The following MVB12B variants were observed in gnomAD, a reference collection of about 807,000 sequenced individuals.
MVB12B encodes the protein multivesicular body subunit 12B.
Under a neutral mutation model 41.6 loss-of-function variants are expected in MVB12B, and 16 were observed. That is an observed-to-expected ratio of 0.38 (90% CI 0.26 to 0.58). The LOEUF (loss-of-function observed/expected upper bound fraction) is 0.58. MVB12B is among the 20% of genes least tolerant of loss of function. The pLI, the probability that MVB12B is intolerant of heterozygous loss-of-function variation, is 0.62. For synonymous variants in MVB12B, 133 were observed against 139.7 expected (o/e 0.95, Z 0.34); for missense variants, 274 against 380.2 (o/e 0.72, Z 2.32).
At chr9:126,365,637 G>A (rs761320041) in intron 2 of MVB12B, among the ~76,000 whole-genome samples, 4 of 152,084 alleles carry the variant, frequency 2.6e-5, no homozygotes, top group East Asian at 3.9e-4. Context: ...CACTGCACCC[G>A]GCCTCCAGAA....
chr9:126,442,320 C>T (rs1346377695), intron 7 of MVB12B, among the ~76,000 whole-genome samples: 1 of 152,178 alleles, frequency 6.6e-6, no homozygotes, highest in Admixed American at 6.5e-5. Context: ...CTTCCTCCCT[C>T]AGGCTGACAT....
intron 2 of MVB12B, among the ~76,000 whole-genome samples, chr9:126,368,568 T>G (rs2118916876): frequency 6.6e-6 from 1 of 152,324 alleles, no homozygotes; most frequent in Admixed American, 6.5e-5. Context: ...TTATCAAAGC[T>G]CATCTCAGAA....
At chr9:126,435,655 A>G (rs1832453962) in intron 7 of MVB12B, among the ~76,000 whole-genome samples, 1 of 130,318 alleles carries the variant, frequency 7.7e-6, no homozygotes, top group Non-Finnish European at 1.7e-5. Context: ...CTCTTATTTT[A>G]GCCAAAAAAA....
At position 126,385,941 on chromosome 9, in the gene MVB12B, C is replaced by T. The variant is rs186734249; in HGVS notation, c.313-621C>T. 1.1e-3 allele frequency among the ~76,000 whole-genome samples: 166 copies of T among 152,284 alleles called. No individual in the cohort carries two copies. The Middle Eastern group carries it at 0.017, about 16-fold the overall frequency. On this transcript the variant is annotated intron_variant, in intron 3 of 9. Transcript: ENST00000361171. The stretch of plus-strand genomic sequence containing the variant: ...ATTTGTACACCAGTTACCGAAACTG[C>T]GCACTGTGGACCCCATATACTACCA...
rs1376330957 is a variant in MVB12B, at chr9:126,367,016, C to T, written c.205-14048C>T. On this transcript the variant is annotated intron_variant, in intron 2 of 9. Transcript: ENST00000361171. The surrounding 1 kb of genome is among the most constrained non-coding windows in gnomAD (Gnocchi z 4.3). ...CTGAATGTTCCCACGAGACAGAGGC[C>T]AGAATCCTTCCAAGGCTTCTCTGCT... is the stretch of plus-strand genomic sequence containing the variant. Among the ~76,000 whole-genome samples the T allele has an allele frequency of 6.6e-6, 1 of 152,180 alleles. No individual in the cohort carries two copies. The highest frequency in any genetic ancestry group is 1.9e-4 in the East Asian group (1 of 5,194).
At chr9:126,423,583 G>A (rs771514275) in intron 7 of MVB12B, among the ~76,000 whole-genome samples, 17 of 152,184 alleles carry the variant, frequency 1.1e-4, no homozygotes, top group South Asian at 2.1e-4. Flanking sequence ...TACAGCCCAC[G>A]GCAGCAGGCA....
At chr9:126,445,645 T>G (rs535451251) in intron 7 of MVB12B, among the ~76,000 whole-genome samples, 1 of 152,186 alleles carries the variant, frequency 6.6e-6, no homozygotes, top group South Asian at 2.1e-4. Context: ...AATATTTAAT[T>G]TAATATTGTT....
At chr9:126,489,686 C>G (rs1248736161) in intron 9 of MVB12B, among the ~76,000 whole-genome samples, 2 of 152,222 alleles carry the variant, frequency 1.3e-5, no homozygotes, top group Non-Finnish European at 2.9e-5. Flanking sequence ...CATGACAGAG[C>G]AGTGGCCTTC....
intron 7 of MVB12B, among the ~76,000 whole-genome samples, chr9:126,427,804 G>A (rs915473754): frequency 1.3e-5 from 2 of 152,190 alleles, no homozygotes; most frequent in African/African-American, 4.8e-5. Context: ...ACCTAGACAG[G>A]TTGGCTCACT....
In MVB12B at chr9:126,424,361, G is replaced by A. The variant is rs143585914; in HGVS notation, c.757+2413G>A. On this transcript the variant is annotated intron_variant, in intron 7 of 9. Coordinates refer to ENST00000361171, the MANE Select transcript of MVB12B (RefSeq NM_033446.3). ...AGTTGCAAGAGACACCAGTGGAGAC[G>A]ATATGTAGTCCCATCCCTGGCACAA... Among the ~76,000 whole-genome samples, 549 of 152,286 alleles carry A rather than the reference G, an allele frequency of 3.6e-3. 2 individuals carry two copies. Among genetic ancestry groups the A allele is most frequent in the African/African-American group, 0.013 (528 of 41,554 alleles).
At chr9:126,400,338 TA>T (rs1350205796) in intron 6 of MVB12B, among the ~76,000 whole-genome samples, 1 of 151,964 alleles carries the variant, frequency 6.6e-6, no homozygotes, top group Non-Finnish European at 1.5e-5. Context: ...CTTAACACTT[TA>T]AAAAAATCAG....
intron 6 of MVB12B, among the ~76,000 whole-genome samples, chr9:126,418,172 G>T (rs978898185): frequency 6.6e-6 from 1 of 151,916 alleles, no homozygotes; most frequent in Non-Finnish European, 1.5e-5. Context: ...GGCGGGGTGG[G>T]GGGTGGTGGG....
rs567196127 is a variant in MVB12B, at chr9:126,506,662, A to T, written c.*3399A>T. On this transcript the variant is annotated 3_prime_UTR_variant, in exon 10 of 10. Transcript: ENST00000361171. The stretch of plus-strand genomic sequence containing the variant: ...GGAGGGCCTTGAGGAAGCAGCCCCC[A>T]GGCCTGGCAGCCACGCAGCGGCTGA... The T allele has an allele frequency of 2.0e-5, 3 of 152,488 alleles. No individual in the cohort carries two copies. The highest frequency in any genetic ancestry group is 2.9e-5 in the Non-Finnish European group (2 of 68,130). 9.4% of individuals were successfully genotyped at this position (152,488 alleles called of 1,614,324 possible). A position where few individuals can be genotyped will look rare whatever the true frequency, so the allele number is the denominator to read the frequency against.
intron 7 of MVB12B, among the ~76,000 whole-genome samples, chr9:126,453,719 ACT>A (rs554634381): frequency 3.9e-3 from 594 of 152,288 alleles, no homozygotes; most frequent in African/African-American, 4.2e-3. Context: ...CGTGTGGCAC[ACT>A]CTCACGTGTA....
intron 1 of MVB12B, chr9:126,335,471 G>A (rs1829248144): frequency 8.4e-7 from 1 of 1,184,028 alleles, no homozygotes; most frequent in African/African-American, 1.6e-5. Flanking sequence ...GCATTGGTGA[G>A]GCCTGGCCAC....
chr9:126,364,303 C>T lies in MVB12B; in HGVS notation c.205-16761C>T, dbSNP rs79245048. On this transcript the variant is annotated intron_variant, in intron 2 of 9. Coordinates refer to ENST00000361171, the MANE Select transcript of MVB12B (RefSeq NM_033446.3). ...CCTGTCATCGGGCATGACTCATGAA[C>T]GGCGCGAGTTCAACTTGTCTTCTCT... 7.1e-3 allele frequency among the ~76,000 whole-genome samples: 1,084 copies of T among 152,288 alleles called. 8 individuals carry two copies. Among genetic ancestry groups the T allele is most frequent in the Non-Finnish European group, 0.011 (772 of 68,028 alleles).
At chr9:126,334,913 A>G (rs915006639) in intron 1 of MVB12B, among the ~76,000 whole-genome samples, 1 of 152,204 alleles carries the variant, frequency 6.6e-6, no homozygotes, top group African/African-American at 2.4e-5. Flanking sequence ...CTACCATTGC[A>G]CCATAAGGGC....
chr9:126,447,397 T>G (rs1832800514), intron 7 of MVB12B, among the ~76,000 whole-genome samples: 2 of 151,944 alleles, frequency 1.3e-5, no homozygotes, highest in Admixed American at 1.3e-4. Flanking sequence ...TTTGGTGGCA[T>G]TCTGTAGCTT....
intron 2 of MVB12B, among the ~76,000 whole-genome samples, chr9:126,353,817 G>T (rs1301952716): frequency 6.6e-6 from 1 of 152,168 alleles, no homozygotes; most frequent in African/African-American, 2.4e-5. Flanking sequence ...TTTGGTCTGT[G>T]AAAAGCAATG....
Sources: allele counts gnomAD v4.1 joint callset (sites outside exome capture counted in the v4.1 genomes callset), GRCh38; gene constraint gnomAD v4.1.1; non-coding constraint Gnocchi (gnomAD v3.1); transcripts MANE v1.5; gene names NCBI Gene and HGNC (gene_info 2026-07-23, HGNC 2026-07-21).